TMEM184B: variants seen among roughly 807,000 people sequenced by gnomAD.
The protein encoded by TMEM184B is putative MAPK-activating protein FM08.
Under a neutral mutation model 41.8 loss-of-function variants are expected in TMEM184B, and 17 were observed. The ratio of observed to expected loss-of-function variants is 0.41; its 90% CI spans 0.28 to 0.61. The LOEUF (loss-of-function observed/expected upper bound fraction) is 0.61, where lower values mean the gene tolerates loss of function less well. Ranked by LOEUF, TMEM184B falls within the 20% of genes least tolerant of loss-of-function variation. TMEM184B has a pLI of 0.34. For missense variants in TMEM184B, 393 were observed against 557.8 expected, an observed-to-expected ratio of 0.70 and a Z score of 2.98; for synonymous variants, 240 against 229.5, an observed-to-expected ratio of 1.05 and a Z score of -0.41.
chr22:38,272,821 C>T (rs2092545937), intron 1 of TMEM184B, 63 bp downstream of exon 1: 1 of 984,810 alleles, frequency 1.0e-6, no homozygotes, highest in South Asian at 4.7e-5. Flanking sequence ...CAAGCAGCCC[C>T]CCGCGCTCGG....
intron 3 of TMEM184B, among the ~76,000 whole-genome samples, chr22:38,243,444 A>T (rs2091959210): frequency 6.6e-6 from 1 of 152,176 alleles, no homozygotes; most frequent in Admixed American, 6.5e-5. Flanking sequence ...GGCAGGGAAC[A>T]GCTTTGTGCT....
At chr22:38,264,803 C>T (rs538157182) in intron 1 of TMEM184B, among the ~76,000 whole-genome samples, 1 of 152,254 alleles carries the variant, frequency 6.6e-6, no homozygotes, top group African/African-American at 2.4e-5. Flanking sequence ...TGCCCCCGGC[C>T]GAGTAGGAGA....
chr22:38,249,970 G>A (rs966040988), intron 1 of TMEM184B, among the ~76,000 whole-genome samples: 9 of 152,214 alleles, frequency 5.9e-5, no homozygotes, highest in East Asian at 1.9e-4. Flanking sequence ...TGGCTGGAGC[G>A]TGAGCACCAG....
At chr22:38,241,189 C>T (rs1008677094) in intron 3 of TMEM184B, among the ~76,000 whole-genome samples, 1 of 152,188 alleles carries the variant, frequency 6.6e-6, no homozygotes, top group Non-Finnish European at 1.5e-5. Flanking sequence ...CCAGGAGAAG[C>T]GTCACGGGGA....
In TMEM184B at chr22:38,226,545, A is replaced by C. The variant is rs1404426564; in HGVS notation, c.617+234T>G. On this transcript the variant is annotated intron_variant, in intron 6 of 8. Coordinates refer to ENST00000361906, the MANE Select transcript of TMEM184B (RefSeq NM_012264.5). The surrounding 1 kb of genome is among the most constrained non-coding windows in gnomAD (Gnocchi z 4.6). ...TTGTGGCCCATCCCTTCATGGTACC[A>C]CTCTGCAGCCTGGACATGAACGTGA... 2 of 486,032 alleles carry C rather than the reference A, an allele frequency of 4.1e-6. No individual in the cohort carries two copies. Among genetic ancestry groups the C allele is most frequent in the African/African-American group, 3.9e-5 (2 of 51,044 alleles). The allele number at this position is 486,032 out of a possible 1,614,324, so 30.1% of individuals were successfully genotyped here.
At chr22:38,233,893 T>C (rs5756984) in intron 3 of TMEM184B, among the ~76,000 whole-genome samples, 70,156 of 151,848 alleles carry the variant, frequency 0.46, 16,390 homozygotes, top group South Asian at 0.57. Flanking sequence ...TCTCAGCCTC[T>C]GGAGTAACTG....
intron 3 of TMEM184B, among the ~76,000 whole-genome samples, chr22:38,233,398 C>A (rs933271750): frequency 1.3e-5 from 2 of 152,222 alleles, no homozygotes; most frequent in African/African-American, 4.8e-5. Context: ...GAGGCGTGAG[C>A]ATGAAAGTGT....
At chr22:38,259,373 T>C (rs2092334300) in intron 1 of TMEM184B, among the ~76,000 whole-genome samples, 2 of 152,232 alleles carry the variant, frequency 1.3e-5, no homozygotes, top group Non-Finnish European at 2.9e-5. Flanking sequence ...AAAGGGACTT[T>C]GCAGAAGTGA....
chr22:38,235,725 A>C (rs1036881581), intron 3 of TMEM184B, among the ~76,000 whole-genome samples: 4 of 152,244 alleles, frequency 2.6e-5, no homozygotes, highest in Non-Finnish European at 4.4e-5. Flanking sequence ...TCCCTCCTGG[A>C]AAGTACAGAG....
intron 3 of TMEM184B, among the ~76,000 whole-genome samples, chr22:38,245,615 T>C (rs948511525): frequency 7.1e-6 from 1 of 141,344 alleles, no homozygotes; most frequent in African/African-American, 2.6e-5. Context: ...GGGCCCTTGC[T>C]TCCAGGTACC....
At chr22:38,260,713 T>C (rs1443010383) in intron 1 of TMEM184B, among the ~76,000 whole-genome samples, 1 of 152,238 alleles carries the variant, frequency 6.6e-6, no homozygotes, top group African/African-American at 2.4e-5. Context: ...CACCATGTGA[T>C]GTCAGCTGCC....
rs186103948 is a variant in TMEM184B, at chr22:38,250,732, G to A, written c.-58-2713C>T. 4.6e-5 allele frequency among the ~76,000 whole-genome samples: 7 copies of A among 152,030 alleles called. No homozygotes were observed. The East Asian group carries it at 1.2e-3, about 25-fold the overall frequency. ...GGCTGTTTTGTTCATGACTAAGGGC[G>A]GTGTTGAGAAACCCCCAGCTTGGAC... On this transcript the variant is annotated intron_variant, in intron 1 of 8. Coordinates refer to ENST00000361906, the MANE Select transcript of TMEM184B (RefSeq NM_012264.5).
At chr22:38,243,572 G>C (rs1273911263) in intron 3 of TMEM184B, among the ~76,000 whole-genome samples, 1 of 152,140 alleles carries the variant, frequency 6.6e-6, no homozygotes, top group Non-Finnish European at 1.5e-5. Context: ...GTGCCCCAGG[G>C]ACCCAGAGGT....
chr22:38,272,588 C>T, intron 1 of TMEM184B: 1 of 985,630 alleles, frequency 1.0e-6, no homozygotes, highest in Non-Finnish European at 1.2e-6. Flanking sequence ...TCTCCCGGGG[C>T]CGCCCCCCGG....
At chr22:38,247,661 G>A (rs2092065392) in intron 2 of TMEM184B, 109 bp downstream of exon 2, 4 of 1,359,422 alleles carry the variant, frequency 2.9e-6, no homozygotes. Context: ...AGAACAGAGG[G>A]CTTACCTACT....
intron 1 of TMEM184B, among the ~76,000 whole-genome samples, chr22:38,266,400 T>C (rs531494122): frequency 1.3e-5 from 2 of 152,220 alleles, no homozygotes; most frequent in Non-Finnish European, 2.9e-5. Flanking sequence ...TAGCGCCCCT[T>C]GCCTTAGCAG....
At chr22:38,222,573 G>C in intron 8 of TMEM184B, 1 of 984,348 alleles carries the variant, frequency 1.0e-6, no homozygotes, top group Non-Finnish European at 1.2e-6. Context: ...GCTACAGAGA[G>C]ACGCATGCCA....
chr22:38,264,764 G>A (rs974046614), intron 1 of TMEM184B, among the ~76,000 whole-genome samples: 2 of 152,158 alleles, frequency 1.3e-5, no homozygotes, highest in Non-Finnish European at 2.9e-5. Context: ...CCCAACTACT[G>A]CAAACTGGGA....
Position 38,219,625 on chromosome 22 carries a change from C to T in TMEM184B, c.*1844G>A, listed in dbSNP as rs1602345238. On this transcript the variant is annotated 3_prime_UTR_variant, in exon 9 of 9. Coordinates refer to ENST00000361906, the MANE Select transcript of TMEM184B (RefSeq NM_012264.5). ...CCCGTCCCCACGACCCCACGGACCGCTGATTCCCTGCCACTGAGCTCCCCC... is the reference window on the plus strand; with the variant it reads ...CCCGTCCCCACGACCCCACGGACCGTTGATTCCCTGCCACTGAGCTCCCCC... 15 of 985,410 alleles carry T rather than the reference C, an allele frequency of 1.5e-5. No homozygotes were observed. The highest frequency in any genetic ancestry group is 1.7e-5 in the Non-Finnish European group (14 of 829,960). 61.0% of individuals were successfully genotyped at this position (985,410 alleles called of 1,614,324 possible).
Sources: allele counts gnomAD v4.1 joint callset (sites outside exome capture counted in the v4.1 genomes callset), GRCh38; gene constraint gnomAD v4.1.1; non-coding constraint Gnocchi (gnomAD v3.1); transcripts MANE v1.5; gene names NCBI Gene and HGNC (gene_info 2026-07-23, HGNC 2026-07-21).